The following MYH10 variants were observed in gnomAD, a reference collection of about 807,000 sequenced individuals.
MYH10 encodes the protein myosin-10.
A neutral mutation model predicts 257.8 loss-of-function variants in MYH10; 55 were observed. That is an observed-to-expected ratio of 0.21 (90% CI 0.17 to 0.27). MYH10 has a LOEUF of 0.27. Ranked by LOEUF, MYH10 falls within the 10% of genes least tolerant of loss-of-function variation. The pLI, the probability that MYH10 is intolerant of heterozygous loss-of-function variation, is 1.00. For synonymous variants in MYH10, 854 were observed against 921.7 expected (o/e 0.93, Z 1.33); for missense variants, 1,631 against 2,500.6 (o/e 0.65, Z 7.42).
At chr17:8,574,019 T>C (rs1293930042) in intron 6 of MYH10, among the ~76,000 whole-genome samples, 2 of 152,210 alleles carry the variant, frequency 1.3e-5, no homozygotes, top group African/African-American at 2.4e-5. Flanking sequence ...CCAGCAATTT[T>C]ACCTCTAGGT....
chr17:8,482,086 T>C (rs1689086015), intron 37 of MYH10, among the ~76,000 whole-genome samples: 13 of 152,148 alleles, frequency 8.5e-5, no homozygotes, highest in Admixed American at 8.5e-4. Flanking sequence ...ACAAACTTCT[T>C]TGGAAGGATG....
At chr17:8,623,392 G>T in intron 1 of MYH10, 115 bp from the exon 2 acceptor site, 1 of 1,046,838 alleles carries the variant, frequency 9.6e-7, no homozygotes, top group Non-Finnish European at 1.3e-6. Flanking sequence ...GTGTTAAGGA[G>T]CTGGGGTATA....
rs138417899 is a variant in MYH10, at chr17:8,625,423, T to C, written c.-31-2146A>G. ...CCTAGAGGGTTTATTAAAATACAGATTGCTGGGCTCTATCCCAGAGTCCCT... is the reference window on the plus strand; with the variant it reads ...CCTAGAGGGTTTATTAAAATACAGACTGCTGGGCTCTATCCCAGAGTCCCT... On this transcript the variant is annotated intron_variant, in intron 1 of 42. Transcript: ENST00000360416. 1.2e-4 allele frequency among the ~76,000 whole-genome samples: 19 copies of C among 152,220 alleles called. No individual in the cohort carries two copies. In the East Asian group the frequency reaches 3.3e-3, roughly 26 times the overall value.
intron 7 of MYH10, among the ~76,000 whole-genome samples, chr17:8,568,730 C>T (rs1029553827): frequency 2.6e-5 from 4 of 151,842 alleles, no homozygotes; most frequent in African/African-American, 7.3e-5. Flanking sequence ...GAGGAATGTC[C>T]GTTGTGTTGA....
intron 7 of MYH10, chr17:8,561,582 T>A: frequency 2.5e-6 from 2 of 801,326 alleles, no homozygotes; most frequent in Non-Finnish European, 4.4e-6. Flanking sequence ...TGTAAGGAGC[T>A]GAGTTCTTAA....
Position 8,490,964 on chromosome 17 carries a change from A to G in MYH10, c.4672-412T>C, listed in dbSNP as rs1192353937. ...GTAGAGAAGATCATTCGTATTGAAA[A>G]GCACATGTGGAAACTGCTGATTATT... On this transcript the variant is annotated intron_variant, in intron 34 of 42. Transcript: ENST00000360416. This position sits in a 1 kb window ranked among gnomAD's most constrained non-coding sequence, Gnocchi z 4.1. Among the ~76,000 whole-genome samples the G allele has an allele frequency of 6.6e-6, 1 of 152,258 alleles. No homozygotes were observed. Among genetic ancestry groups the G allele is most frequent in the African/African-American group, 2.4e-5 (1 of 41,460 alleles).
At chr17:8,571,038 C>G (rs993394826) in intron 6 of MYH10, among the ~76,000 whole-genome samples, 2 of 152,118 alleles carry the variant, frequency 1.3e-5, no homozygotes, top group Non-Finnish European at 2.9e-5. Context: ...CCAGTCTTGT[C>G]AAGAACCTCA....
chr17:8,490,764 G>A lies in MYH10; in HGVS notation c.4672-212C>T, dbSNP rs1426367495. 1.3e-5 allele frequency among the ~76,000 whole-genome samples: 2 copies of A among 152,168 alleles called. No individual in the cohort carries two copies. The highest frequency in any genetic ancestry group is 4.8e-5 in the African/African-American group (2 of 41,438). ...TGTATGCAGTTCAGAACTACAGTGCGGATGTCTTTATTCCCACGTGTTCTC... is the reference window on the plus strand; with the variant it reads ...TGTATGCAGTTCAGAACTACAGTGCAGATGTCTTTATTCCCACGTGTTCTC... On this transcript the variant is annotated intron_variant, in intron 34 of 42. Transcript: ENST00000360416. The surrounding 1 kb of genome is among the most constrained non-coding windows in gnomAD (Gnocchi z 4.1).
chr17:8,512,607 C>T lies in MYH10; in HGVS notation c.2796G>A (p.Glu932=), dbSNP rs1198845033. The T allele has an allele frequency of 6.2e-7, 1 of 1,613,360 alleles. No homozygotes were observed. The highest frequency in any genetic ancestry group is 8.5e-7 in the Non-Finnish European group (1 of 1,179,988). ...TCATCTCTTCTGCTTCAGCAAAGAG[C>T]TCAGTCTCTGCTTGTAGTTGTTCTG... The part of the protein sequence containing the change: ...ILAEQLQAET[E]LFAEAEEMRA... Residue 932 remains glutamate, a synonymous_variant, in exon 24 of 43, where the codon GAG becomes GAA. Coordinates refer to ENST00000360416, the MANE Select transcript of MYH10 (RefSeq NM_001256012.3).
intron 30 of MYH10, among the ~76,000 whole-genome samples, chr17:8,497,738 CAAAAAAAAAAAAAAAA>C (rs559562540): frequency 8.8e-5 from 5 of 56,874 alleles, no homozygotes; most frequent in Admixed American, 3.3e-4. Flanking sequence ...GACTCTGTCT[CAAAAAAAAAAAAAAAA>C]AAAAAAAAAA....
intron 19 of MYH10, among the ~76,000 whole-genome samples, chr17:8,519,177 G>A (rs2081569802): frequency 6.6e-6 from 1 of 152,192 alleles, no homozygotes; most frequent in Non-Finnish European, 1.5e-5. Flanking sequence ...TCAAAAAGTA[G>A]GTTTAGGAGG....
intron 4 of MYH10, among the ~76,000 whole-genome samples, chr17:8,588,060 C>T (rs1440708219): frequency 1.3e-5 from 2 of 152,080 alleles, no homozygotes; most frequent in African/African-American, 2.4e-5. Context: ...ACTGCTGTGC[C>T]ACCACACCTT....
chr17:8,627,513 C>G (rs1312731008), intron 1 of MYH10, among the ~76,000 whole-genome samples: 1 of 152,196 alleles, frequency 6.6e-6, no homozygotes, highest in Non-Finnish European at 1.5e-5. Flanking sequence ...TTACCCTACC[C>G]TGCGTTGTAC....
chr17:8,486,471 T>C (rs975748314), intron 36 of MYH10, among the ~76,000 whole-genome samples: 15 of 150,404 alleles, frequency 1.0e-4, no homozygotes, highest in African/African-American at 3.7e-4. Context: ...ACCACCATAC[T>C]TCACCCTGGG....
At chr17:8,576,585 T>C (rs1286348943) in intron 6 of MYH10, 58 bp downstream of exon 6, 16 of 1,493,386 alleles carry the variant, frequency 1.1e-5, no homozygotes, top group Non-Finnish European at 1.4e-5. Context: ...AGACTCAATC[T>C]ACAGACAGAA....
chr17:8,581,107 G>C (rs936247986), intron 4 of MYH10, among the ~76,000 whole-genome samples: 1 of 152,036 alleles, frequency 6.6e-6, no homozygotes, highest in African/African-American at 2.4e-5. Context: ...GCCAGGATTT[G>C]ATATAAATAA....
chr17:8,577,432 T>C (rs2083538664), intron 4 of MYH10, 94 bp from the exon 5 acceptor site: 1 of 609,576 alleles, frequency 1.6e-6, no homozygotes, highest in Non-Finnish European at 2.8e-6. Context: ...ATTGGAACAA[T>C]AATTAATAAA....
At chr17:8,543,812 A>G (rs148857221) in intron 13 of MYH10, among the ~76,000 whole-genome samples, 100 of 152,342 alleles carry the variant, frequency 6.6e-4, no homozygotes, top group African/African-American at 2.3e-3. Context: ...CTTGTCTTCC[A>G]TATTTAAACT....
At chr17:8,499,526 C>T (rs756416910) in intron 29 of MYH10, 50 bp from the exon 30 acceptor site, 28 of 1,572,914 alleles carry the variant, frequency 1.8e-5, no homozygotes, top group Non-Finnish European at 2.4e-5. Context: ...TCTAAAACTC[C>T]ATACAGAGGA....
Sources: allele counts gnomAD v4.1 joint callset (sites outside exome capture counted in the v4.1 genomes callset), GRCh38; gene constraint gnomAD v4.1.1; non-coding constraint Gnocchi (gnomAD v3.1); transcripts MANE v1.5; gene names NCBI Gene and HGNC (gene_info 2026-07-23, HGNC 2026-07-21).